Variants in IFT140 observed in about 807,000 individuals in gnomAD.
IFT140 encodes the protein intraflagellar transport protein 140 homolog.
IFT140 carries 133 observed loss-of-function variants against 164.6 expected under a neutral mutation model. The ratio of observed to expected loss-of-function variants is 0.81; its 90% CI spans 0.70 to 0.93. The LOEUF is 0.93. IFT140 is among the 40% of genes least tolerant of loss of function. The pLI is 0.00. For missense variants in IFT140, 2,045 were observed against 1,972.3 expected (o/e 1.04, Z -0.70); for synonymous variants, 860 against 817.3 (o/e 1.05, Z -0.89).
At chr16:1,538,021 C>T (rs569117853) in intron 19 of IFT140, among the ~76,000 whole-genome samples, 1 of 151,680 alleles carries the variant, frequency 6.6e-6, no homozygotes, top group South Asian at 2.1e-4. Context: ...CCACGCACAG[C>T]CACGCAGAGC....
At chr16:1,602,251 C>T (rs564188862) in intron 4 of IFT140, 119 bp downstream of exon 4, 1 of 902,132 alleles carries the variant, frequency 1.1e-6, no homozygotes, top group East Asian at 2.7e-5. Flanking sequence ...ACAATTGCAT[C>T]TGACAAGATC....
intron 19 of IFT140, among the ~76,000 whole-genome samples, chr16:1,544,206 C>A (rs573587293): frequency 7.1e-6 from 1 of 141,084 alleles, no homozygotes; most frequent in Non-Finnish European, 1.5e-5. Context: ...TTTTTTGAGA[C>A]GAAGTCTCAC....
In IFT140 at chr16:1,587,949, C is replaced by T. The variant is rs574450870; in HGVS notation, c.886G>A (p.Gly296Arg). Residue 296 changes from glycine to arginine, a missense_variant, in exon 8 of 31, where the codon GGG becomes AGG. Gly to Arg is a moderately radical substitution (Grantham distance 125, BLOSUM62 -2). Transcript: ENST00000426508. Reference protein sequence around the residue: ...IEGSLLVMAVGEAALRFWDIE... With the variant: ...IEGSLLVMAVREAALRFWDIE... ...GACTCTCACCTGAGGGCAGCCTCCC[C>T]GACGGCCATCACGAGAAGGCTGCCT... 76 of 1,612,350 alleles carry T rather than the reference C, an allele frequency of 4.7e-5. No individual in the cohort carries two copies. In the South Asian group the frequency reaches 5.1e-4, roughly 11 times the overall value.
chr16:1,611,671 G>C (rs1429687257), intron 1 of IFT140, among the ~76,000 whole-genome samples: 3 of 151,186 alleles, frequency 2.0e-5, no homozygotes, highest in Non-Finnish European at 4.4e-5. Flanking sequence ...ACAAATTAGC[G>C]AGTATGGTGG....
At position 1,525,947 on chromosome 16, in the gene IFT140, G is replaced by A; in HGVS notation, c.2708C>T (p.Thr903Ile). The part of the protein sequence containing the change: ...EHHDRVHLRS[T>I]YHRYAGHLEA... ...CAGGTGCCCGGCATAGCGGTGGTAG[G>A]TGCTGCGCAGGTGCACGCGATCGTG... Residue 903 changes from threonine to isoleucine, a missense_variant, in exon 21 of 31, where the codon ACC becomes ATC. Coordinates refer to ENST00000426508, the MANE Select transcript of IFT140 (RefSeq NM_014714.4). 2 of 1,578,522 alleles carry A rather than the reference G, an allele frequency of 1.3e-6. No individual in the cohort carries two copies. Among genetic ancestry groups the A allele is most frequent in the Non-Finnish European group, 1.7e-6 (2 of 1,163,764 alleles).
At chr16:1,528,353 GCACGTGTGCACA>G (rs1169129786) in intron 19 of IFT140, among the ~76,000 whole-genome samples, 1 of 128,860 alleles carries the variant, frequency 7.8e-6, no homozygotes, top group African/African-American at 2.7e-5. Context: ...ACGCATGCAC[GCACGTGTGCACA>G]CACACGCATG....
chr16:1,525,271 G>A lies in IFT140; in HGVS notation c.2824C>T (p.Leu942=), dbSNP rs774563994. The A allele has an allele frequency of 2.5e-6, 4 of 1,612,866 alleles. No homozygotes were observed. The highest frequency in any genetic ancestry group is 1.1e-5 in the South Asian group (1 of 91,090). Residue 942 remains leucine (L), a synonymous_variant, in exon 22 of 31, where the codon CTG becomes TTG. Coordinates refer to ENST00000426508, the MANE Select transcript of IFT140 (RefSeq NM_014714.4). The part of the protein sequence containing the change: ...FEVPRMLSED[L]PSLELYVNKM... ...TTCACGTAGAGCTCCAGGGACGGCA[G>A]GTCCTCCGACAGCATCCTGGGCACC...
rs2040629005 is a variant in IFT140 at position 1,524,789 on chromosome 16, G to A, written c.2992C>T (p.Gln998Ter). 6.2e-7 allele frequency: 1 copy of A among 1,607,260 alleles called. No homozygotes were observed. The highest frequency in any genetic ancestry group is 8.5e-7 in the Non-Finnish European group (1 of 1,174,642). Reference sequence around the variant, plus strand: ...CTCCCCTGCGGGGACCTTACCTTCTGGACATTGCCCTGGAAGCAGTGGATG... The same window carrying A: ...CTCCCCTGCGGGGACCTTACCTTCTAGACATTGCCCTGGAAGCAGTGGATG... ...VRIHCFQGNV[Q>*]KAAQIANETG... is the part of the protein sequence containing the mutation. The change falls in exon 23 of 31, where the codon CAG becomes TAG. Residue 998 changes from glutamine to a stop codon, truncating the protein, a stop_gained. Coordinates refer to ENST00000426508, the MANE Select transcript of IFT140 (RefSeq NM_014714.4). LOFTEE classifies it high-confidence loss of function.
chr16:1,528,216 C>T (rs2029934889), intron 19 of IFT140, among the ~76,000 whole-genome samples: 1 of 152,162 alleles, frequency 6.6e-6, no homozygotes, highest in Non-Finnish European at 1.5e-5. Flanking sequence ...GTGTGGTCAC[C>T]GAGCAGGGAC....
intron 13 of IFT140, among the ~76,000 whole-genome samples, chr16:1,572,368 C>T (rs1273689807): frequency 6.6e-6 from 1 of 152,212 alleles, no homozygotes; most frequent in African/African-American, 2.4e-5. Flanking sequence ...CCCCACAGGC[C>T]GGGCGCGGTG....
At chr16:1,573,228 C>T (rs2034110868) in intron 13 of IFT140, among the ~76,000 whole-genome samples, 1 of 152,106 alleles carries the variant, frequency 6.6e-6, no homozygotes, top group Non-Finnish European at 1.5e-5. Context: ...GCTGCTTGAA[C>T]ACAGGATAAA....
chr16:1,580,742 G>C lies in IFT140; in HGVS notation c.1524+17C>G, dbSNP rs764602004. On this transcript the variant is annotated intron_variant, in intron 13 of 30. Transcript: ENST00000426508. ...CAAACTCTGCTCTGGTTTTCTTGCA[G>C]TGGAGCAGCAACTTACCTGCCAGGT... 9 of 1,581,954 alleles carry C rather than the reference G, an allele frequency of 5.7e-6. No homozygotes were observed. The Admixed American group carries it at 8.3e-5, about 15-fold the overall frequency.
At chr16:1,566,080 C>A in intron 16 of IFT140, 81 bp downstream of exon 16, 2 of 1,475,996 alleles carry the variant, frequency 1.4e-6, no homozygotes, top group Non-Finnish European at 1.9e-6. Context: ...GGCGCGTTAA[C>A]TTAGCAACAA....
In IFT140 at chr16:1,525,951, T is replaced by TGC; in HGVS notation, c.2702_2703dup (p.Ser902AlafsTer49). On this transcript the variant is annotated frameshift_variant, in exon 21 of 31. Transcript: ENST00000426508. LOFTEE classifies it high-confidence loss of function. ...TGCCCGGCATAGCGGTGGTAGGTGCTGCGCAGGTGCACGCGATCGTGGTGC... is the reference window on the plus strand; with the variant it reads ...TGCCCGGCATAGCGGTGGTAGGTGCTGCGCGCAGGTGCACGCGATCGTGGTGC... 6.3e-7 allele frequency: 1 copy of TGC among 1,579,900 alleles called. No homozygotes were observed. Among genetic ancestry groups the TGC allele is most frequent in the Non-Finnish European group, 8.6e-7 (1 of 1,164,438 alleles).
At chr16:1,513,325 T>TA (rs931724092) in intron 30 of IFT140, 8 of 152,032 alleles carry the variant, frequency 5.3e-5, no homozygotes, top group African/African-American at 1.7e-4. Context: ...CCGTCTCTAC[T>TA]AAAAAATAAA....
At chr16:1,584,102 G>A (rs1038386238) in intron 11 of IFT140, 115 bp downstream of exon 11, 2 of 753,450 alleles carry the variant, frequency 2.7e-6, no homozygotes, top group African/African-American at 3.5e-5. Context: ...AGAGAATCTA[G>A]GATGGAACTG....
intron 19 of IFT140, among the ~76,000 whole-genome samples, chr16:1,546,433 C>A (rs1031830516): frequency 6.6e-6 from 1 of 152,184 alleles, no homozygotes; most frequent in Non-Finnish European, 1.5e-5. Flanking sequence ...AGTGCCTGGA[C>A]GAGCCCCCCT....
intron 3 of IFT140, among the ~76,000 whole-genome samples, chr16:1,606,763 T>C (rs924924188): frequency 2.6e-5 from 4 of 152,084 alleles, no homozygotes; most frequent in Non-Finnish European, 2.9e-5. Flanking sequence ...CCTGGCCTCA[T>C]AGATGTCGTT....
Position 1,510,935 on chromosome 16 carries a change from C to T in IFT140, c.*9G>A. The T allele has an allele frequency of 6.2e-7, 1 of 1,608,674 alleles. No individual in the cohort carries two copies. Among genetic ancestry groups the T allele is most frequent in the East Asian group, 2.2e-5 (1 of 44,760 alleles). On this transcript the variant is annotated 3_prime_UTR_variant, in exon 31 of 31. Coordinates refer to ENST00000426508, the MANE Select transcript of IFT140 (RefSeq NM_014714.4). ...TGCAGCAGCACGCTGGTCCTGGGGC[C>T]CAGGCCCCTCAGGGGTCGTCATCTG...
Sources: gnomAD v4.1 joint callset for allele counts (sites outside exome capture counted in the v4.1 genomes callset) on GRCh38, gnomAD v4.1.1 for gene constraint, MANE v1.5 for transcripts, NCBI Gene and HGNC (gene_info 2026-07-23, HGNC 2026-07-21) for gene names.